Variants in CCDC91 observed in about 807,000 individuals in gnomAD.
CCDC91 encodes the protein coiled-coil domain containing 91.
CCDC91 carries 48 observed loss-of-function variants against 63.2 expected under a neutral mutation model. The observed-to-expected ratio is 0.76, with a 90% CI of 0.60 to 0.97. The LOEUF is 0.97. CCDC91 is among the 50% of genes least tolerant of loss of function. CCDC91 has a pLI of 0.00. For missense variants in CCDC91, 500 were observed against 494.6 expected (o/e 1.01, Z -0.10); for synonymous variants, 167 against 165.8 (o/e 1.01, Z -0.06).
At chr12:28,479,117 A>G (rs997968156) in intron 11 of CCDC91, among the ~76,000 whole-genome samples, 2 of 152,204 alleles carry the variant, frequency 1.3e-5, no homozygotes, top group African/African-American at 4.8e-5. Context: ...TACTGGGTAT[A>G]TACCTAAAGG....
At chr12:28,217,995 T>C (rs978106132) in intron 1 of CCDC91, among the ~76,000 whole-genome samples, 2 of 152,154 alleles carry the variant, frequency 1.3e-5, no homozygotes, top group Admixed American at 6.5e-5. Context: ...CTATTATAAC[T>C]GTCCCCTCCT....
intron 1 of CCDC91, among the ~76,000 whole-genome samples, chr12:28,227,888 C>G (rs1447498172): frequency 6.6e-6 from 1 of 151,720 alleles, no homozygotes; most frequent in Non-Finnish European, 1.5e-5. Context: ...ATTACTTGAT[C>G]TCACTATAGC....
At chr12:28,234,420 C>T (rs964918925) in intron 1 of CCDC91, among the ~76,000 whole-genome samples, 15 of 152,130 alleles carry the variant, frequency 9.9e-5, no homozygotes, top group South Asian at 6.2e-4. Context: ...AGCAAGTGGT[C>T]CTTATCAAAC....
chr12:28,201,625 T>A (rs1403280349), intron 1 of CCDC91, among the ~76,000 whole-genome samples: 1 of 142,890 alleles, frequency 7.0e-6, no homozygotes, highest in Non-Finnish European at 1.6e-5. Flanking sequence ...CCAGACGGGG[T>A]GGCGGCCGGG....
intron 11 of CCDC91, among the ~76,000 whole-genome samples, chr12:28,465,884 T>C (rs1950524153): frequency 6.6e-6 from 1 of 152,056 alleles, no homozygotes; most frequent in African/African-American, 2.4e-5. Context: ...AGACAGGGAA[T>C]TCAAAATGGC....
chr12:28,252,744 A>G (rs1946205188), intron 1 of CCDC91, among the ~76,000 whole-genome samples: 1 of 148,892 alleles, frequency 6.7e-6, no homozygotes, highest in African/African-American at 2.5e-5. Context: ...TTTGGTCTCT[A>G]TTTTTTTCTT....
At chr12:28,229,529 ACAT>A (rs1412053091) in intron 1 of CCDC91, among the ~76,000 whole-genome samples, 4 of 152,220 alleles carry the variant, frequency 2.6e-5, no homozygotes, top group Non-Finnish European at 4.4e-5. Context: ...AGCCATGTAA[ACAT>A]CAGGAGGAAG....
chr12:28,260,208 T>A (rs904487233), intron 3 of CCDC91, among the ~76,000 whole-genome samples: 3 of 152,034 alleles, frequency 2.0e-5, no homozygotes, highest in African/African-American at 7.2e-5. Flanking sequence ...TTGGGAAGAA[T>A]GATGATTTTA....
At chr12:28,279,801 A>AT (rs1198506886) in intron 3 of CCDC91, among the ~76,000 whole-genome samples, 1 of 151,882 alleles carries the variant, frequency 6.6e-6, no homozygotes. Context: ...TAGAAACTTT[A>AT]TTTTTCTTTC....
At chr12:28,488,121 A>G (rs545401459) in intron 12 of CCDC91, among the ~76,000 whole-genome samples, 146 of 151,982 alleles carry the variant, frequency 9.6e-4, no homozygotes, top group Middle Eastern at 3.4e-3. Flanking sequence ...TAGTAAAATT[A>G]TACTCAGAAT....
chr12:28,333,851 A>G (rs1293637138), intron 6 of CCDC91, among the ~76,000 whole-genome samples: 2 of 152,138 alleles, frequency 1.3e-5, no homozygotes, highest in South Asian at 2.1e-4. Flanking sequence ...AATGTGAGTT[A>G]CAAGTTTTCC....
At chr12:28,513,474 G>T (rs1167226718) in intron 12 of CCDC91, among the ~76,000 whole-genome samples, 1 of 151,708 alleles carries the variant, frequency 6.6e-6, no homozygotes, top group Non-Finnish European at 1.5e-5. Flanking sequence ...ATCCTCATGG[G>T]GATATTTTGC....
chr12:28,290,021 A>C (rs554947470), intron 3 of CCDC91, among the ~76,000 whole-genome samples: 5 of 152,140 alleles, frequency 3.3e-5, no homozygotes, highest in African/African-American at 9.6e-5. Flanking sequence ...TTGTCTTATC[A>C]GGTCCATTTG....
At chr12:28,495,189 C>T (rs549956111) in intron 12 of CCDC91, among the ~76,000 whole-genome samples, 144 of 151,598 alleles carry the variant, frequency 9.5e-4, no homozygotes, top group Non-Finnish European at 1.8e-3. Flanking sequence ...GATATTATTG[C>T]GATAGACGTT....
intron 8 of CCDC91, among the ~76,000 whole-genome samples, chr12:28,424,223 C>T (rs1948178534): frequency 6.6e-6 from 1 of 152,096 alleles, no homozygotes; most frequent in Admixed American, 6.6e-5. Flanking sequence ...AGTTACTGTG[C>T]CTGGCCCTAA....
intron 3 of CCDC91, among the ~76,000 whole-genome samples, chr12:28,263,521 A>G (rs1946969615): frequency 6.6e-6 from 1 of 152,036 alleles, no homozygotes; most frequent in African/African-American, 2.4e-5. Context: ...ATGTATCAGA[A>G]TTTCCTTCCT....
At chr12:28,502,809 C>T (rs909004495) in intron 12 of CCDC91, among the ~76,000 whole-genome samples, 2 of 147,058 alleles carry the variant, frequency 1.4e-5, no homozygotes, top group African/African-American at 5.0e-5. Context: ...CTTTGACAAA[C>T]CTGAGAAAAA....
intron 1 of CCDC91, among the ~76,000 whole-genome samples, chr12:28,250,274 A>G (rs1946035034): frequency 6.6e-6 from 1 of 152,184 alleles, no homozygotes; most frequent in South Asian, 2.1e-4. Flanking sequence ...ATTATAAAGG[A>G]AAATTTAGTT....
chr12:28,515,247 C>G (rs1317896735), intron 12 of CCDC91, among the ~76,000 whole-genome samples: 5 of 151,804 alleles, frequency 3.3e-5, no homozygotes, highest in African/African-American at 4.8e-5. Context: ...TTTTGAAAGG[C>G]TAAAAATGAC....
Sources: allele counts gnomAD v4.1 joint callset (sites outside exome capture counted in the v4.1 genomes callset), GRCh38; gene constraint gnomAD v4.1.1; transcripts MANE v1.5; gene names NCBI Gene and HGNC (gene_info 2026-07-23, HGNC 2026-07-21).